TNFRSF21: variants seen among roughly 807,000 people sequenced by gnomAD.
TNFRSF21 encodes the protein TNF receptor superfamily member 21, also known as tumor necrosis factor receptor superfamily member 21.
In TNFRSF21, 19 loss-of-function variants were observed where a neutral mutation model predicts 45.6. The ratio of observed to expected loss-of-function variants is 0.42; its 90% confidence interval spans 0.29 to 0.61. TNFRSF21 has a LOEUF of 0.61. Among genes scored for constraint, TNFRSF21 ranks in the 20% least tolerant of loss-of-function variants. The probability of loss-of-function intolerance (pLI) is 0.23; values close to 1 mark genes in which losing one functional copy is unlikely to be tolerated. For synonymous variants in TNFRSF21, 314 were observed against 335.5 expected (o/e 0.94, Z 0.70); for missense variants, 737 against 851.5 (o/e 0.87, Z 1.67).
chr6:47,298,284 T>TAAAAAAA (rs558717941), intron 1 of TNFRSF21, among the ~76,000 whole-genome samples: 2 of 74,406 alleles, frequency 2.7e-5, no homozygotes, highest in Admixed American at 1.4e-4. Context: ...TACAAAAAAT[T>TAAAAAAA]AAAAAAAAAA....
chr6:47,300,633 G>A (rs1412369370), intron 1 of TNFRSF21, among the ~76,000 whole-genome samples: 1 of 151,998 alleles, frequency 6.6e-6, no homozygotes, highest in Non-Finnish European at 1.5e-5. Context: ...TTTCAAGCTC[G>A]ATCCGTTGTC....
At chr6:47,262,856 C>T (rs950707033) in intron 3 of TNFRSF21, among the ~76,000 whole-genome samples, 5 of 152,142 alleles carry the variant, frequency 3.3e-5, no homozygotes, top group South Asian at 2.1e-4. Context: ...AGATCACATC[C>T]GGCCTTTAAG....
intron 5 of TNFRSF21, 102 bp downstream of exon 5, chr6:47,234,568 T>C: frequency 1.1e-6 from 1 of 945,568 alleles, no homozygotes; most frequent in South Asian, 1.5e-5. Context: ...TTCAGATGAC[T>C]CAACTCTCAG....
At chr6:47,257,134 T>C (rs1765000005) in intron 3 of TNFRSF21, among the ~76,000 whole-genome samples, 1 of 152,144 alleles carries the variant, frequency 6.6e-6, no homozygotes. Flanking sequence ...TACGAAGTAA[T>C]TACAGAGTTT....
intron 3 of TNFRSF21, among the ~76,000 whole-genome samples, chr6:47,270,833 G>A (rs1582337307): frequency 6.6e-6 from 1 of 152,146 alleles, no homozygotes; most frequent in African/African-American, 2.4e-5. Flanking sequence ...TGACCTGATG[G>A]AGCTGAAAAC....
In TNFRSF21 at chr6:47,232,262, T is replaced by C. The variant is rs2113840026; in HGVS notation, c.*503A>G. The C allele has an allele frequency of 6.5e-6, 1 of 152,758 alleles. No homozygotes were observed. Among genetic ancestry groups the C allele is most frequent in the South Asian group, 2.1e-4 (1 of 4,820 alleles). The allele number at this position is 152,758 out of a possible 1,614,324, so 9.5% of individuals were successfully genotyped here. A position where few individuals can be genotyped will look rare whatever the true frequency, so the allele number is the denominator to read the frequency against. The stretch of plus-strand genomic sequence containing the variant: ...TATAAAGGACAAACAATAATAAAAA[T>C]AGTAATAATATTTGTTTTTAAAAAG... On this transcript the variant is annotated 3_prime_UTR_variant, in exon 6 of 6. Coordinates refer to ENST00000296861, the MANE Select transcript of TNFRSF21 (RefSeq NM_014452.5).
At chr6:47,288,153 C>G (rs550270883) in intron 1 of TNFRSF21, among the ~76,000 whole-genome samples, 1 of 152,188 alleles carries the variant, frequency 6.6e-6, no homozygotes, top group African/African-American at 2.4e-5. Context: ...AAACAGCACA[C>G]GTTTGTTGGC....
intron 3 of TNFRSF21, among the ~76,000 whole-genome samples, chr6:47,275,620 T>C (rs1326424367): frequency 6.6e-6 from 1 of 152,106 alleles, no homozygotes; most frequent in African/African-American, 2.4e-5. Flanking sequence ...AATCTGCATG[T>C]TGTGCACATG....
intron 4 of TNFRSF21, among the ~76,000 whole-genome samples, chr6:47,252,780 T>C (rs1383390452): frequency 6.6e-6 from 1 of 152,214 alleles, no homozygotes; most frequent in Non-Finnish European, 1.5e-5. Flanking sequence ...GAATCAGTTC[T>C]GTCATCAACT....
intron 4 of TNFRSF21, among the ~76,000 whole-genome samples, chr6:47,238,817 A>G (rs536318516): frequency 6.6e-5 from 10 of 152,296 alleles, no homozygotes; most frequent in African/African-American, 2.4e-4. Context: ...TGAGTTTGGT[A>G]GCAGTGTTTA....
intron 4 of TNFRSF21, among the ~76,000 whole-genome samples, chr6:47,246,547 T>C (rs1463797045): frequency 1.3e-5 from 2 of 152,198 alleles, no homozygotes; most frequent in Non-Finnish European, 2.9e-5. Flanking sequence ...TAGTAGTTCC[T>C]GGAGATTCAA....
At chr6:47,240,210 TTTTGA>T (rs1349773608) in intron 4 of TNFRSF21, among the ~76,000 whole-genome samples, 3 of 152,208 alleles carry the variant, frequency 2.0e-5, no homozygotes, top group Non-Finnish European at 4.4e-5. Flanking sequence ...AAAGTCGCTG[TTTTGA>T]TTTAATTTTC....
chr6:47,272,742 A>C (rs1308758518), intron 3 of TNFRSF21, among the ~76,000 whole-genome samples: 15 of 152,142 alleles, frequency 9.9e-5, no homozygotes, highest in Admixed American at 7.9e-4. Flanking sequence ...TTTTTTGAGA[A>C]GATCAATAAA....
chr6:47,242,984 A>G (rs189360291), intron 4 of TNFRSF21, among the ~76,000 whole-genome samples: 39 of 152,326 alleles, frequency 2.6e-4, no homozygotes, highest in Non-Finnish European at 4.1e-4. Context: ...AGCTTGCCAT[A>G]AGACACTGTG....
intron 4 of TNFRSF21, among the ~76,000 whole-genome samples, chr6:47,246,130 T>C (rs1162259702): frequency 1.3e-5 from 2 of 152,204 alleles, no homozygotes; most frequent in Non-Finnish European, 2.9e-5. Context: ...AATGAGAATA[T>C]ACCCACCTAT....
chr6:47,244,967 G>A (rs1764802440), intron 4 of TNFRSF21, among the ~76,000 whole-genome samples: 1 of 152,194 alleles, frequency 6.6e-6, no homozygotes, highest in Non-Finnish European at 1.5e-5. Context: ...CCAAATCGGT[G>A]TTTTGCCTTT....
Position 47,245,458 on chromosome 6 carries a change from T to G in TNFRSF21, c.1509+7798A>C, listed in dbSNP as rs9463310. On this transcript the variant is annotated intron_variant, in intron 4 of 5. Coordinates refer to ENST00000296861, the MANE Select transcript of TNFRSF21 (RefSeq NM_014452.5). ...TGTGTGTGTGTGTGTGTGTGTGTGT[T>G]TGTGTGTGTGTGTGTGTGTGTTGGG... is the stretch of plus-strand genomic sequence containing the variant. Among the ~76,000 whole-genome samples the G allele has an allele frequency of 9.6e-3, 1,031 of 107,666 alleles. 12 individuals are homozygous for G. Among genetic ancestry groups the G allele is most frequent in the African/African-American group, 0.039 (861 of 22,222 alleles). The allele number at this position is 107,666 out of a possible 152,430, so 70.6% of individuals were successfully genotyped here.
At chr6:47,298,089 A>G (rs112016735) in intron 1 of TNFRSF21, among the ~76,000 whole-genome samples, 1 of 152,098 alleles carries the variant, frequency 6.6e-6, no homozygotes, top group South Asian at 2.1e-4. Context: ...ACTATTAATA[A>G]GTACATTAGA....
intron 1 of TNFRSF21, among the ~76,000 whole-genome samples, chr6:47,298,915 G>T (rs1478439030): frequency 1.3e-5 from 2 of 152,190 alleles, no homozygotes; most frequent in Non-Finnish European, 2.9e-5. Context: ...TGGTGACTTA[G>T]TTGAACCTAG....
Sources: allele counts gnomAD v4.1 joint callset (sites outside exome capture counted in the v4.1 genomes callset), GRCh38; gene constraint gnomAD v4.1.1; transcripts MANE v1.5; gene names NCBI Gene and HGNC (gene_info 2026-07-23, HGNC 2026-07-21).